Variants in TENM2 observed in about 807,000 individuals in gnomAD.
The protein encoded by TENM2 is teneurin transmembrane protein 2, also known as teneurin-2.
Under a neutral mutation model 245.2 loss-of-function variants are expected in TENM2, and 52 were observed. The ratio of observed to expected loss-of-function variants is 0.21; its 90% CI spans 0.17 to 0.27. TENM2 has a LOEUF of 0.27. TENM2 is among the 10% of genes least tolerant of loss of function. TENM2 has a pLI of 1.00. For synonymous variants in TENM2, 1,363 were observed against 1,438.9 expected, an observed-to-expected ratio of 0.95 and a Z score of 1.19; for missense variants, 3,046 against 3,666.8, an observed-to-expected ratio of 0.83 and a Z score of 4.37.
At chr5:167,541,396 G>T (rs1370919553) in intron 2 of TENM2, among the ~76,000 whole-genome samples, 1 of 152,216 alleles carries the variant, frequency 6.6e-6, no homozygotes, top group African/African-American at 2.4e-5. Context: ...GGAGTCTGTA[G>T]TTTATAAGTA....
chr5:168,080,051 A>G (rs975664363), intron 7 of TENM2, among the ~76,000 whole-genome samples: 6 of 152,160 alleles, frequency 3.9e-5, no homozygotes, highest in African/African-American at 1.2e-4. Context: ...CTGTGAATCT[A>G]TCTGGTCCTA....
At chr5:167,550,531 C>G (rs1207723357) in intron 2 of TENM2, among the ~76,000 whole-genome samples, 1 of 152,132 alleles carries the variant, frequency 6.6e-6, no homozygotes, top group Non-Finnish European at 1.5e-5. Context: ...GCACACCCCT[C>G]CTGCATCCAA....
intron 2 of TENM2, among the ~76,000 whole-genome samples, chr5:167,828,209 A>G (rs1243907599): frequency 3.3e-5 from 5 of 152,196 alleles, no homozygotes; most frequent in Admixed American, 3.3e-4. Context: ...GGGGCTTGCC[A>G]TAGGTCCTGC....
chr5:167,077,862 A>G, the TENM2 span, among the ~76,000 whole-genome samples: 7 of 152,280 alleles, frequency 4.6e-5, no homozygotes, highest in Admixed American at 3.9e-4. Flanking sequence ...TTACTAGTAT[A>G]AAACAGTTAT....
chr5:167,246,810 T>C, the TENM2 span, among the ~76,000 whole-genome samples: 1 of 151,804 alleles, frequency 6.6e-6, no homozygotes, highest in Non-Finnish European at 1.5e-5. Context: ...GAGGGCACTT[T>C]TGGGTAGGAA....
At chr5:167,152,054 G>C in the TENM2 span, among the ~76,000 whole-genome samples, 1 of 152,146 alleles carries the variant, frequency 6.6e-6, no homozygotes, top group East Asian at 1.9e-4. Flanking sequence ...ACTGATGGAT[G>C]CTCTTGTATA....
intron 2 of TENM2, among the ~76,000 whole-genome samples, chr5:167,387,456 A>T (rs2127353113): frequency 1.3e-5 from 2 of 152,258 alleles, no homozygotes; most frequent in Middle Eastern, 6.8e-3. Flanking sequence ...CAATCATATC[A>T]TCAGCAAACA....
At chr5:168,190,503 G>A (rs1232914480) in exon 14 of TENM2, 5 of 1,614,002 alleles carry the variant, frequency 3.1e-6, no homozygotes, top group Middle Eastern at 1.6e-4. Flanking sequence ...TGGCAGGCAA[G>A]GATAGCACCC....
intron 2 of TENM2, among the ~76,000 whole-genome samples, chr5:167,597,010 G>A (rs1033374170): frequency 1.3e-5 from 2 of 151,994 alleles, no homozygotes; most frequent in African/African-American, 2.4e-5. Flanking sequence ...CTGCTTATGC[G>A]AAAAGTTCAT....
At chr5:167,809,738 A>T in intron 2 of TENM2, among the ~76,000 whole-genome samples, 1 of 152,100 alleles carries the variant, frequency 6.6e-6, no homozygotes, top group Non-Finnish European at 1.5e-5. Flanking sequence ...TTAGGGGAAG[A>T]TTTTGGGGAC....
chr5:167,419,455 C>T lies in TENM2; in HGVS notation c.502+43982C>T, dbSNP rs535943720. Among the ~76,000 whole-genome samples, 139 of 152,114 alleles carry T rather than the reference C, an allele frequency of 9.1e-4. 1 individual carries two copies. In the Middle Eastern group the frequency reaches 0.027, roughly 30 times the overall value. ...CAGCCTGAGTGAAAGAGTGAGACGTCGTCTCAAAGTAAATAAATAAATATA... is the reference window on the plus strand; with the variant it reads ...CAGCCTGAGTGAAAGAGTGAGACGTTGTCTCAAAGTAAATAAATAAATATA... On this transcript the variant is annotated intron_variant, in intron 2 of 28. Coordinates refer to ENST00000518659, the Ensembl canonical transcript of TENM2.
At chr5:167,574,646 G>T (rs1774519119) in intron 2 of TENM2, among the ~76,000 whole-genome samples, 1 of 152,300 alleles carries the variant, frequency 6.6e-6, no homozygotes, top group African/African-American at 2.4e-5. Flanking sequence ...TGTAGAAAGG[G>T]ATCTGGTAAA....
chr5:167,558,367 T>C (rs976814861), intron 2 of TENM2, among the ~76,000 whole-genome samples: 3 of 152,214 alleles, frequency 2.0e-5, no homozygotes, highest in Admixed American at 2.0e-4. Flanking sequence ...TTCACAGATA[T>C]TGTTACTTAA....
At position 167,800,347 on chromosome 5, in the gene TENM2, G is replaced by A. The variant is rs1047280922; in HGVS notation, c.503-75639G>A. On this transcript the variant is annotated intron_variant, in intron 2 of 28. Transcript: ENST00000518659. ...TCTCTTTGACAAGCTTCATGATGTC[G>A]TTTACTTCAGGTCTCTGAGAAAACG... Among the ~76,000 whole-genome samples the A allele has an allele frequency of 5.9e-5, 9 of 152,218 alleles. No homozygotes were observed. The East Asian group carries it at 9.7e-4, about 16-fold the overall frequency.
At chr5:167,292,350 T>G (rs1754688877) in intron 1 of TENM2, among the ~76,000 whole-genome samples, 1 of 152,242 alleles carries the variant, frequency 6.6e-6, no homozygotes, top group South Asian at 2.1e-4. Context: ...GGGAATGGTA[T>G]CACAGCCTTG....
In TENM2 at chr5:168,091,616, GATT is replaced by G. The variant is rs560675843; in HGVS notation, c.1711+852_1711+854del. On this transcript the variant is annotated intron_variant, in intron 8 of 28. Coordinates refer to ENST00000518659, the Ensembl canonical transcript of TENM2. ...GGTAGAACCTCTGTGAATCAGGGAA[GATT>G]ATTAGACCCATTTCACAGAAGAATA... Among the ~76,000 whole-genome samples the G allele has an allele frequency of 1.6e-3, 248 of 152,310 alleles. 1 individual carries two copies. Among genetic ancestry groups the G allele is most frequent in the South Asian group, 9.3e-3 (45 of 4,824 alleles).
At chr5:167,716,891 ATTTTATTTTATTTTATTTTATTTTATTT>A (rs1759301152) in intron 2 of TENM2, among the ~76,000 whole-genome samples, 1 of 78,208 alleles carries the variant, frequency 1.3e-5, no homozygotes, top group East Asian at 1.0e-3. Flanking sequence ...TTTATATTTT[ATTTTATTTTATTTTATTTTATTTTATTT>A]TATTTTATTT....
At chr5:168,150,051 C>G (rs1296453505) in intron 12 of TENM2, among the ~76,000 whole-genome samples, 1 of 152,158 alleles carries the variant, frequency 6.6e-6, no homozygotes, top group Non-Finnish European at 1.5e-5. Flanking sequence ...TTGTGGTCCC[C>G]TCCCCCTACA....
At chr5:168,055,191 T>C (rs1789432025) in intron 6 of TENM2, among the ~76,000 whole-genome samples, 1 of 152,152 alleles carries the variant, frequency 6.6e-6, no homozygotes, top group East Asian at 1.9e-4. Flanking sequence ...GACAACAGGC[T>C]GCCTAGATAA....
Sources: allele counts gnomAD v4.1 joint callset (sites outside exome capture counted in the v4.1 genomes callset), GRCh38; gene constraint gnomAD v4.1.1; transcripts MANE v1.5; gene names NCBI Gene and HGNC (gene_info 2026-07-23, HGNC 2026-07-21).